CREB5: variants seen among roughly 807,000 people sequenced by gnomAD.
CREB5 encodes the protein cAMP responsive element binding protein 5, also known as cyclic AMP-responsive element-binding protein 5.
CREB5 carries 19 observed loss-of-function variants against 57.1 expected under a neutral mutation model. The observed-to-expected ratio is 0.33, with a 90% CI of 0.23 to 0.49. The LOEUF (loss-of-function observed/expected upper bound fraction) is 0.49. Among genes scored for constraint, CREB5 ranks in the 20% least tolerant of loss-of-function variants. The pLI is 0.99. For missense variants in CREB5, 579 were observed against 671.6 expected, an observed-to-expected ratio of 0.86 and a Z score of 1.52; for synonymous variants, 238 against 238.3, an observed-to-expected ratio of 1.00 and a Z score of 0.01.
chr7:28,674,721 C>T (rs1800235836), intron 5 of CREB5, among the ~76,000 whole-genome samples: 1 of 152,254 alleles, frequency 6.6e-6, no homozygotes, highest in African/African-American at 2.4e-5. Context: ...CACTACTCAT[C>T]CAGACTATTG....
chr7:28,518,406 C>T (rs1793066446), intron 4 of CREB5, among the ~76,000 whole-genome samples: 1 of 152,202 alleles, frequency 6.6e-6, no homozygotes, highest in African/African-American at 2.4e-5. Flanking sequence ...CAGCCTCTCT[C>T]AAAGAAGTCG....
intron 1 of CREB5, among the ~76,000 whole-genome samples, chr7:28,399,644 A>G (rs1451486864): frequency 1.3e-5 from 2 of 152,120 alleles, no homozygotes; most frequent in Non-Finnish European, 2.9e-5. Flanking sequence ...GGCCTGTCAT[A>G]GTGTCTCACA....
At chr7:28,636,184 G>A (rs146293523) in intron 5 of CREB5, among the ~76,000 whole-genome samples, 9 of 152,154 alleles carry the variant, frequency 5.9e-5, no homozygotes, top group Non-Finnish European at 1.2e-4. Flanking sequence ...AGAGAAACAC[G>A]AAGGGCAGGA....
At chr7:28,416,416 A>G (rs963765167) in intron 1 of CREB5, among the ~76,000 whole-genome samples, 1 of 152,250 alleles carries the variant, frequency 6.6e-6, no homozygotes, top group Non-Finnish European at 1.5e-5. Context: ...TCTATTTGCC[A>G]GATCTGGTAG....
At chr7:28,305,927 G>A (rs190092785) in intron 1 of CREB5, among the ~76,000 whole-genome samples, 5 of 146,160 alleles carry the variant, frequency 3.4e-5, no homozygotes, top group African/African-American at 4.9e-5. Context: ...TAGTGTGTGC[G>A]TGTGTGTGTG....
chr7:28,664,224 T>C (rs184171506), intron 5 of CREB5, among the ~76,000 whole-genome samples: 4 of 152,294 alleles, frequency 2.6e-5, no homozygotes, highest in Non-Finnish European at 4.4e-5. Flanking sequence ...TGAACAGTGA[T>C]CTTGTCCATA....
intron 1 of CREB5, among the ~76,000 whole-genome samples, chr7:28,405,166 A>G (rs1200318867): frequency 2.0e-5 from 3 of 152,246 alleles, no homozygotes; most frequent in African/African-American, 7.2e-5. Context: ...AAGGTAATGA[A>G]GAAACCTGGT....
chr7:28,335,417 G>C (rs1315432313), intron 1 of CREB5, among the ~76,000 whole-genome samples: 1 of 151,552 alleles, frequency 6.6e-6, no homozygotes, highest in Non-Finnish European at 1.5e-5. Flanking sequence ...TCACTTCTTT[G>C]GTTAAATTAA....
At chr7:28,399,252 A>C (rs1435632733) in intron 1 of CREB5, among the ~76,000 whole-genome samples, 1 of 147,258 alleles carries the variant, frequency 6.8e-6, no homozygotes, top group Non-Finnish European at 1.5e-5. Context: ...GACAGCATAG[A>C]CAAAGCTAAA....
chr7:28,640,080 C>G (rs1363962076), intron 5 of CREB5, among the ~76,000 whole-genome samples: 1 of 152,152 alleles, frequency 6.6e-6, no homozygotes, highest in Non-Finnish European at 1.5e-5. Context: ...CCTTAGTTAC[C>G]TGCTCCAGAG....
intron 1 of CREB5, among the ~76,000 whole-genome samples, chr7:28,331,689 A>C (rs1785719159): frequency 6.6e-6 from 1 of 152,010 alleles, no homozygotes; most frequent in Non-Finnish European, 1.5e-5. Context: ...AACTCTACTA[A>C]AATAAAAAAA....
chr7:28,774,761 A>C (rs919862628), intron 7 of CREB5, among the ~76,000 whole-genome samples: 1 of 152,234 alleles, frequency 6.6e-6, no homozygotes, highest in African/African-American at 2.4e-5. Context: ...ACTGCAAACC[A>C]TGGGGTAGCC....
rs529623906 is a variant in CREB5 at position 28,611,047 on chromosome 7, TC to T, written c.464+40513del. 3.3e-5 allele frequency among the ~76,000 whole-genome samples: 5 copies of T among 152,144 alleles called. No homozygotes were observed. In the East Asian group the frequency reaches 9.7e-4, roughly 29 times the overall value. On this transcript the variant is annotated intron_variant, in intron 5 of 10. Transcript: ENST00000357727. Reference sequence around the variant, plus strand: ...GTGAGACATTTAAGAGAACTGTCTTTCCCTTATACTTAGAGAGGAAATATGT... The same window carrying T: ...GTGAGACATTTAAGAGAACTGTCTTTCCTTATACTTAGAGAGGAAATATGT...
At chr7:28,399,945 G>A (rs911520626) in intron 1 of CREB5, among the ~76,000 whole-genome samples, 2 of 151,870 alleles carry the variant, frequency 1.3e-5, no homozygotes, top group Admixed American at 1.3e-4. Flanking sequence ...GTAATCCCAG[G>A]TACTCGGGAG....
chr7:28,561,402 G>T (rs1237666986), intron 4 of CREB5, among the ~76,000 whole-genome samples: 1 of 152,118 alleles, frequency 6.6e-6, no homozygotes, highest in Non-Finnish European at 1.5e-5. Flanking sequence ...GATACTATCT[G>T]GTGTTAGCAT....
chr7:28,773,348 A>G (rs926184485), intron 7 of CREB5, among the ~76,000 whole-genome samples: 1 of 152,226 alleles, frequency 6.6e-6, no homozygotes, highest in Admixed American at 6.5e-5. Flanking sequence ...AGTAGTTTTC[A>G]GGTCTAAAGC....
chr7:28,660,381 G>T (rs1369276427), intron 5 of CREB5, among the ~76,000 whole-genome samples: 29 of 119,242 alleles, frequency 2.4e-4, no homozygotes, highest in South Asian at 5.6e-4. Flanking sequence ...GCATTCAACA[G>T]TTTTTTTTTT....
At chr7:28,456,505 G>A (rs1790098981) in intron 1 of CREB5, among the ~76,000 whole-genome samples, 1 of 152,142 alleles carries the variant, frequency 6.6e-6, no homozygotes, top group Non-Finnish European at 1.5e-5. Flanking sequence ...AATGGTCTTT[G>A]GCTGGGGTGG....
chr7:28,639,448 T>C (rs1192590533), intron 5 of CREB5, among the ~76,000 whole-genome samples: 1 of 152,212 alleles, frequency 6.6e-6, no homozygotes, highest in African/African-American at 2.4e-5. Flanking sequence ...ATTTATTATA[T>C]TCTGCCTTAG....
Sources: allele counts gnomAD v4.1 joint callset (sites outside exome capture counted in the v4.1 genomes callset), GRCh38; gene constraint gnomAD v4.1.1; transcripts MANE v1.5; gene names NCBI Gene and HGNC (gene_info 2026-07-23, HGNC 2026-07-21).